Variants in SEMA5A observed in about 807,000 individuals in gnomAD.
SEMA5A encodes semaphorin 5A.
In SEMA5A, 55 loss-of-function variants were observed where a neutral mutation model predicts 135.5. The observed-to-expected ratio is 0.41, with a 90% CI of 0.33 to 0.51. The LOEUF (loss-of-function observed/expected upper bound fraction) is 0.51, where lower values mean the gene tolerates loss of function less well. Ranked by LOEUF, SEMA5A falls within the 20% of genes least tolerant of loss-of-function variation. The pLI, the probability that SEMA5A is intolerant of heterozygous loss-of-function variation, is 0.37. For missense variants in SEMA5A, 1,290 were observed against 1,419.9 expected, an observed-to-expected ratio of 0.91 and a Z score of 1.47; for synonymous variants, 580 against 546.5, an observed-to-expected ratio of 1.06 and a Z score of -0.85.
chr5:9,369,461 G>T lies in SEMA5A; in HGVS notation c.124+10362C>A, dbSNP rs545270556. ...ATTTCTTATATGTTTTCTTCCAGAG[G>T]TTTTTAAATTTTTGCTCTTAACCTT... On this transcript the variant is annotated intron_variant, in intron 3 of 22. Coordinates refer to ENST00000382496, the MANE Select transcript of SEMA5A (RefSeq NM_003966.3). 3.3e-5 allele frequency among the ~76,000 whole-genome samples: 5 copies of T among 152,248 alleles called. No individual in the cohort carries two copies. In the South Asian group the frequency reaches 1.0e-3, roughly 32 times the overall value.
At chr5:9,176,225 T>C (rs751664264) in intron 11 of SEMA5A, among the ~76,000 whole-genome samples, 6 of 152,098 alleles carry the variant, frequency 3.9e-5, no homozygotes, top group Admixed American at 2.0e-4. Flanking sequence ...GCTGGTTGCA[T>C]AGAGTAAGTG....
intron 11 of SEMA5A, among the ~76,000 whole-genome samples, chr5:9,173,841 C>G (rs1434090642): frequency 6.6e-6 from 1 of 152,092 alleles, no homozygotes; most frequent in Non-Finnish European, 1.5e-5. Flanking sequence ...CGTGTAGGAA[C>G]AGCATTGCCC....
At chr5:9,448,894 C>T (rs1028987933) in intron 1 of SEMA5A, among the ~76,000 whole-genome samples, 1 of 152,210 alleles carries the variant, frequency 6.6e-6, no homozygotes, top group African/African-American at 2.4e-5. Context: ...AGGCATCTGT[C>T]TTAGTCAGCT....
chr5:9,348,370 A>G (rs1354918079), intron 3 of SEMA5A, among the ~76,000 whole-genome samples: 1 of 152,184 alleles, frequency 6.6e-6, no homozygotes, highest in East Asian at 1.9e-4. Context: ...AATTTATAAG[A>G]TTATGCAAAT....
chr5:9,290,210 C>A (rs1350397129), intron 5 of SEMA5A, among the ~76,000 whole-genome samples: 1 of 152,126 alleles, frequency 6.6e-6, no homozygotes, highest in Non-Finnish European at 1.5e-5. Context: ...CCCCTCCCAC[C>A]CTTTCCTCTT....
intron 11 of SEMA5A, among the ~76,000 whole-genome samples, chr5:9,187,864 G>GCTACT (rs1170414729): frequency 1.3e-5 from 2 of 152,228 alleles, no homozygotes; most frequent in Non-Finnish European, 2.9e-5. Context: ...TGAGTCCTGA[G>GCTACT]CTACTCTCAA....
Position 9,099,148 on chromosome 5 carries a change from C to T in SEMA5A, c.2073+8992G>A, listed in dbSNP as rs187308924. Among the ~76,000 whole-genome samples the T allele has an allele frequency of 5.7e-3, 863 of 152,194 alleles. 5 individuals are homozygous for T. Among genetic ancestry groups the T allele is most frequent in the Non-Finnish European group, 0.01 (688 of 67,994 alleles). ...TTAATTCCTATAATCCATCATTTTT[C>T]TTTTCTCTCCATCTGTGCCATACAT... On this transcript the variant is annotated intron_variant, in intron 16 of 22. Transcript: ENST00000382496.
At chr5:9,125,616 A>G (rs929668498) in intron 13 of SEMA5A, among the ~76,000 whole-genome samples, 1 of 151,278 alleles carries the variant, frequency 6.6e-6, no homozygotes, top group Non-Finnish European at 1.5e-5. Flanking sequence ...TGTTAGAGCA[A>G]TTCTAAGTGA....
At chr5:9,270,563 G>A (rs1463386450) in intron 5 of SEMA5A, among the ~76,000 whole-genome samples, 4 of 152,018 alleles carry the variant, frequency 2.6e-5, no homozygotes, top group African/African-American at 9.7e-5. Flanking sequence ...TGAGAGCGGG[G>A]GAAAGTCGAG....
chr5:9,458,809 G>C (rs1758946411), intron 1 of SEMA5A, among the ~76,000 whole-genome samples: 1 of 152,208 alleles, frequency 6.6e-6, no homozygotes. Flanking sequence ...ACAAACGACA[G>C]ATACAAGTAG....
chr5:9,174,731 GA>G (rs543518811), intron 11 of SEMA5A, among the ~76,000 whole-genome samples: 4 of 151,982 alleles, frequency 2.6e-5, no homozygotes, highest in South Asian at 2.1e-4. Flanking sequence ...AGCCAAGGCA[GA>G]AAAAAAAGTC....
At chr5:9,213,599 C>T (rs1031050261) in intron 8 of SEMA5A, among the ~76,000 whole-genome samples, 2 of 152,136 alleles carry the variant, frequency 1.3e-5, no homozygotes, top group African/African-American at 4.8e-5. Flanking sequence ...CAAACTCTAG[C>T]CCATGGGCCA....
intron 11 of SEMA5A, among the ~76,000 whole-genome samples, chr5:9,186,348 C>T (rs528365063): frequency 1.3e-4 from 20 of 152,298 alleles, no homozygotes; most frequent in Middle Eastern, 6.8e-3. Flanking sequence ...AAGTCTAGCT[C>T]ACATGGATCT....
Position 9,202,175 on chromosome 5 carries a change from C to T in SEMA5A, c.712G>A (p.Val238Ile), listed in dbSNP as rs1225644081. The change falls in exon 9 of 23, where the codon GTA becomes ATA. Residue 238 changes from valine to isoleucine, a missense_variant. Around this residue, in one of 3 missense-constraint regions of SEMA5A, gnomAD observed 145 missense variants for 212.0 expected, o/e 0.68. Transcript: ENST00000382496. ...FTYFFFRENA[V>I]EHDCGKTVFS... ...ACTGTTTTCCCACAGTCATGCTCTA[C>T]TGCATTTTCTCGGAAAAAGAAGTAG... is the stretch of plus-strand genomic sequence containing the variant. 10 of 1,614,016 alleles carry T rather than the reference C, an allele frequency of 6.2e-6. No homozygotes were observed. Among genetic ancestry groups the T allele is most frequent in the Non-Finnish European group, 8.5e-6 (10 of 1,180,030 alleles).
chr5:9,363,159 A>C (rs1021938041), intron 3 of SEMA5A: 1 of 152,212 alleles, frequency 6.6e-6, no homozygotes, highest in Admixed American at 6.5e-5. Context: ...ATGTGGCCAG[A>C]GGAGTTTGGT....
intron 20 of SEMA5A, 107 bp downstream of exon 20, chr5:9,051,765 CA>C: frequency 7.4e-7 from 1 of 1,351,620 alleles, no homozygotes; most frequent in East Asian, 2.4e-5. Context: ...TTGATGGAAT[CA>C]TCTCTATTTC....
chr5:9,519,798 C>T (rs3798063), intron 1 of SEMA5A: 23,915 of 152,200 alleles, frequency 0.16, 2,144 homozygotes, highest in Non-Finnish European at 0.2. Context: ...TAAATTGGAT[C>T]GCGGTCCAGT....
rs1229204013 is a variant in SEMA5A, at chr5:9,202,082, T to C, written c.805A>G (p.Thr269Ala). The C allele has an allele frequency of 6.2e-7, 1 of 1,614,184 alleles. No homozygotes were observed. The highest frequency in any genetic ancestry group is 8.5e-7 in the Non-Finnish European group (1 of 1,180,036). The part of the protein sequence containing the change: ...GGRFLLEDTW[T>A]TFMKARLNCS... ...TTCAGGCGAGCCTTCATGAATGTGG[T>C]CCAGGTGTCTTCCAGCAGGAAGCGC... is the stretch of plus-strand genomic sequence containing the variant. The change falls in exon 9 of 23, where the codon ACC becomes GCC. Residue 269 changes from threonine to alanine, a missense_variant. Around this residue, in one of 3 missense-constraint regions of SEMA5A, gnomAD observed 1,029 missense variants for 1,086.6 expected, o/e 0.95. Coordinates refer to ENST00000382496, the MANE Select transcript of SEMA5A (RefSeq NM_003966.3).
rs112851166 is a variant in SEMA5A, at chr5:9,514,426, G to T, written c.-175+31158C>A. Among the ~76,000 whole-genome samples, 248 of 152,286 alleles carry T rather than the reference G, an allele frequency of 1.6e-3. 1 individual carries two copies. Among genetic ancestry groups the T allele is most frequent in the African/African-American group, 5.6e-3 (231 of 41,558 alleles). ...CAGCAGCAGAGGTTAACCTCTTAAT[G>T]TCAATCATTTAGAACTACAGTCATC... is the stretch of plus-strand genomic sequence containing the variant. On this transcript the variant is annotated intron_variant, in intron 1 of 22. Coordinates refer to ENST00000382496, the MANE Select transcript of SEMA5A (RefSeq NM_003966.3).
Sources: allele counts gnomAD v4.1 joint callset (sites outside exome capture counted in the v4.1 genomes callset), GRCh38; gene constraint gnomAD v4.1.1; regional missense constraint gnomAD v4.1.1; transcripts MANE v1.5; gene names NCBI Gene and HGNC (gene_info 2026-07-23, HGNC 2026-07-21).